GGA2: variants seen among roughly 807,000 people sequenced by gnomAD.
The protein encoded by GGA2 is ADP-ribosylation factor-binding protein GGA2.
Under a neutral mutation model 79.5 loss-of-function variants are expected in GGA2, and 48 were observed. The observed-to-expected ratio is 0.60, with a 90% CI of 0.48 to 0.77. GGA2 has a LOEUF of 0.77. Among genes scored for constraint, GGA2 ranks in the 30% least tolerant of loss-of-function variants. GGA2 has a pLI of 0.00. For synonymous variants in GGA2, 317 were observed against 302.0 expected, an observed-to-expected ratio of 1.05 and a Z score of -0.51; for missense variants, 770 against 774.0, an observed-to-expected ratio of 0.99 and a Z score of 0.06.
chr16:23,484,262 T>A (rs1260301007), intron 8 of GGA2, among the ~76,000 whole-genome samples: 11 of 147,222 alleles, frequency 7.5e-5, no homozygotes, highest in African/African-American at 2.5e-4. Flanking sequence ...AAAAAAAAAA[T>A]ACAGAATTAG....
At chr16:23,508,817 C>T (rs1018078803) in intron 1 of GGA2, among the ~76,000 whole-genome samples, 6 of 152,214 alleles carry the variant, frequency 3.9e-5, no homozygotes, top group Non-Finnish European at 8.8e-5. Flanking sequence ...ACAAGCACCT[C>T]AAACTCCACA....
At chr16:23,519,458 T>C (rs1286366577) in intron 2 of GGA2, 2 of 208,690 alleles carry the variant, frequency 9.6e-6, no homozygotes, top group South Asian at 4.6e-5. Context: ...ATGACTCCCA[T>C]TGACCACAGC....
At chr16:23,479,726 C>G (rs758219051) in intron 11 of GGA2, 39 bp downstream of exon 11, 7 of 1,611,578 alleles carry the variant, frequency 4.3e-6, no homozygotes, top group Non-Finnish European at 5.9e-6. Context: ...CCTACTCGCA[C>G]CCATCCTGTG....
intron 16 of GGA2, among the ~76,000 whole-genome samples, chr16:23,468,311 G>C (rs1035837139): frequency 6.7e-6 from 1 of 148,192 alleles, no homozygotes; most frequent in African/African-American, 2.5e-5. Context: ...CCGAGTAGCT[G>C]AGACTACAGG....
At chr16:23,513,265 C>T (rs189814105), upstream of GGA2, among the ~76,000 whole-genome samples, 5 of 92,970 alleles carry the variant, frequency 5.4e-5, no homozygotes, top group South Asian at 3.5e-4. Context: ...TTTGGCATAG[C>T]GAGTACTTTG....
At chr16:23,496,723 G>A (rs568315033) in intron 1 of GGA2, among the ~76,000 whole-genome samples, 9 of 152,236 alleles carry the variant, frequency 5.9e-5, no homozygotes, top group Middle Eastern at 6.8e-3. Flanking sequence ...TTGGGAAGCC[G>A]AGGCAGGTAG....
At chr16:23,478,953 A>C in intron 11 of GGA2, 42 bp from the exon 12 acceptor site, 1 of 1,388,238 alleles carries the variant, frequency 7.2e-7, no homozygotes, top group Non-Finnish European at 1.0e-6. Context: ...CAGTAACTCC[A>C]CCTGCTTCCA....
At chr16:23,497,514 C>T (rs2142136677) in intron 1 of GGA2, among the ~76,000 whole-genome samples, 1 of 152,280 alleles carries the variant, frequency 6.6e-6, no homozygotes, top group South Asian at 2.1e-4. Flanking sequence ...CACCATCTTC[C>T]TGCCCACTGA....
intron 6 of GGA2, among the ~76,000 whole-genome samples, chr16:23,487,021 T>C (rs1964723725): frequency 1.3e-5 from 2 of 150,366 alleles, no homozygotes; most frequent in African/African-American, 4.9e-5. Context: ...CTTGCTCTGT[T>C]GCCAGGCTGG....
At chr16:23,472,032 C>A (rs7204714) in intron 14 of GGA2, among the ~76,000 whole-genome samples, 125,969 of 152,044 alleles carry the variant, frequency 0.83, 52,285 homozygotes, top group Middle Eastern at 0.9. Context: ...CCTTTTCAGA[C>A]GGGAAATTGG....
At chr16:23,479,665 CG>C (rs1185484664) in intron 11 of GGA2, 99 bp downstream of exon 11, 1 of 1,357,942 alleles carries the variant, frequency 7.4e-7, no homozygotes, top group Non-Finnish European at 1.0e-6. Flanking sequence ...ACAACCATCT[CG>C]ACTCCCTCAG....
intron 10 of GGA2, 46 bp from the exon 11 acceptor site, chr16:23,479,933 C>G (rs1423351063): frequency 4.4e-6 from 7 of 1,599,536 alleles, no homozygotes; most frequent in Admixed American, 1.7e-5. Context: ...GACATGAGAG[C>G]AAAGTCTCCA....
chr16:23,510,926 T>C (rs1596999244), upstream of GGA2, among the ~76,000 whole-genome samples: 1 of 37,702 alleles, frequency 2.7e-5, no homozygotes, highest in East Asian at 6.7e-4. Flanking sequence ...TGTGTGTGTG[T>C]GTGTGTGTGT....
chr16:23,463,614 T>A lies in GGA2; in HGVS notation c.*3976A>T, dbSNP rs1052510678. On this transcript the variant is annotated 3_prime_UTR_variant, in exon 17 of 17. Coordinates refer to ENST00000309859, the MANE Select transcript of GGA2 (RefSeq NM_015044.4). The stretch of plus-strand genomic sequence containing the variant: ...AAATTTAAAGAAAATTTATCTATAA[T>A]TCCCTGACCCAAAGATTACCACTGT... 2.0e-5 allele frequency: 3 copies of A among 152,242 alleles called. No individual in the cohort carries two copies. The highest frequency in any genetic ancestry group is 4.4e-5 in the Non-Finnish European group (3 of 68,040). The allele number at this position is 152,242 out of a possible 1,614,324, so 9.4% of individuals were successfully genotyped here. A position where few individuals can be genotyped will look rare whatever the true frequency, so the allele number is the denominator to read the frequency against.
intron 9 of GGA2, among the ~76,000 whole-genome samples, chr16:23,482,236 C>T (rs533375096): frequency 1.6e-4 from 25 of 152,184 alleles, no homozygotes; most frequent in Non-Finnish European, 3.4e-4. Flanking sequence ...TGCACTCTAA[C>T]CTGGACGACA....
At chr16:23,510,727 G>C (rs1287066551), upstream of GGA2, among the ~76,000 whole-genome samples, 2 of 152,234 alleles carry the variant, frequency 1.3e-5, no homozygotes, top group Non-Finnish European at 2.9e-5. Flanking sequence ...TTTTTTAAGA[G>C]ACGGGGTCTT....
At chr16:23,509,220 T>C (rs1292830453) in intron 1 of GGA2, among the ~76,000 whole-genome samples, 1 of 152,240 alleles carries the variant, frequency 6.6e-6, no homozygotes, top group East Asian at 1.9e-4. Context: ...ACAAGGCTCT[T>C]GAAGATCTCG....
chr16:23,518,178 T>C (rs1346167701), intron 2 of GGA2, among the ~76,000 whole-genome samples: 4 of 152,070 alleles, frequency 2.6e-5, no homozygotes, highest in South Asian at 4.1e-4. Flanking sequence ...CCCAAAGTGC[T>C]AGGATTACAG....
chr16:23,500,060 T>C (rs1341464470), intron 1 of GGA2, among the ~76,000 whole-genome samples: 1 of 152,186 alleles, frequency 6.6e-6, no homozygotes, highest in South Asian at 2.1e-4. Context: ...CCCTCTGTGC[T>C]CTCTTCTCCG....
Sources: allele counts gnomAD v4.1 joint callset (sites outside exome capture counted in the v4.1 genomes callset), GRCh38; gene constraint gnomAD v4.1.1; transcripts MANE v1.5; gene names NCBI Gene and HGNC (gene_info 2026-07-23, HGNC 2026-07-21).